PREX2: variants seen among roughly 807,000 people sequenced by gnomAD.
PREX2 encodes phosphatidylinositol 3,4,5-trisphosphate-dependent Rac exchanger 2 protein.
Under a neutral mutation model 203.2 loss-of-function variants are expected in PREX2, and 107 were observed. The observed-to-expected ratio is 0.53, with a 90% CI of 0.45 to 0.62. The LOEUF (loss-of-function observed/expected upper bound fraction) is 0.62, where lower values mean the gene tolerates loss of function less well. Among genes scored for constraint, PREX2 ranks in the 20% least tolerant of loss-of-function variants. The pLI is 0.00. For missense variants in PREX2, 1,777 were observed against 1,955.9 expected (o/e 0.91, Z 1.72); for synonymous variants, 672 against 663.6 (o/e 1.01, Z -0.19).
intron 1 of PREX2, among the ~76,000 whole-genome samples, chr8:67,975,690 C>CTTTT (rs1806057690): frequency 5.3e-5 from 2 of 37,684 alleles, no homozygotes; most frequent in African/African-American, 2.6e-4. Flanking sequence ...ACTGATTTCT[C>CTTTT]TTTCTTTTTT....
chr8:68,036,813 C>T (rs567085462), intron 6 of PREX2, among the ~76,000 whole-genome samples: 1 of 152,058 alleles, frequency 6.6e-6, no homozygotes, highest in South Asian at 2.1e-4. Flanking sequence ...GGCGTGGTGG[C>T]ATGCCTGTAA....
At chr8:68,014,003 G>A (rs1001958947) in intron 1 of PREX2, among the ~76,000 whole-genome samples, 3 of 152,182 alleles carry the variant, frequency 2.0e-5, no homozygotes, top group South Asian at 2.1e-4. Flanking sequence ...CTGATGAAAA[G>A]AGTGGGAAGG....
chr8:68,156,999 G>T (rs879298200), intron 34 of PREX2, among the ~76,000 whole-genome samples: 3 of 152,090 alleles, frequency 2.0e-5, no homozygotes, highest in African/African-American at 7.2e-5. Context: ...ATATTTTGGG[G>T]TGATATATTC....
chr8:68,118,530 A>G lies in PREX2; in HGVS notation c.3327-20A>G, dbSNP rs1314401505. 3 of 1,575,930 alleles carry G rather than the reference A, an allele frequency of 1.9e-6. No homozygotes were observed. The highest frequency in any genetic ancestry group is 1.7e-6 in the Non-Finnish European group (2 of 1,145,352). ...TGGGCAGATGCACTCTTACAGTAAC[A>G]TGAAACCTGTTGTTTTCAGTGACTG... On this transcript the variant is annotated intron_variant, in intron 26 of 39. Coordinates refer to ENST00000288368, the MANE Select transcript of PREX2 (RefSeq NM_024870.4).
chr8:68,063,735 A>T (rs1808931387), intron 11 of PREX2, among the ~76,000 whole-genome samples: 1 of 151,964 alleles, frequency 6.6e-6, no homozygotes, highest in Admixed American at 6.5e-5. Flanking sequence ...TTCTTGATGG[A>T]CAGCGTAAAA....
chr8:68,084,232 C>T (rs756074374), intron 18 of PREX2, among the ~76,000 whole-genome samples: 24 of 151,994 alleles, frequency 1.6e-4, no homozygotes, highest in Non-Finnish European at 2.9e-4. Flanking sequence ...AACTATTTAG[C>T]ATAATATATC....
intron 8 of PREX2, among the ~76,000 whole-genome samples, chr8:68,050,893 G>C (rs180786770): frequency 6.6e-6 from 1 of 152,274 alleles, no homozygotes; most frequent in East Asian, 1.9e-4. Context: ...GAGAGCAGCA[G>C]ACAAGAAAAG....
chr8:67,959,883 C>G lies in PREX2; in HGVS notation c.141+7348C>G, dbSNP rs191998307. Among the ~76,000 whole-genome samples the G allele has an allele frequency of 4.1e-4, 62 of 152,236 alleles. No homozygotes were observed. In the East Asian group the frequency reaches 0.012, roughly 28 times the overall value. ...CCTCGCACTGAAACTTACAAACTCT[C>G]TCTTTGGGCAAACAACACAGCCTCT... On this transcript the variant is annotated intron_variant, in intron 1 of 39. Coordinates refer to ENST00000288368, the MANE Select transcript of PREX2 (RefSeq NM_024870.4).
At chr8:68,139,322 C>G (rs558818539) in intron 33 of PREX2, among the ~76,000 whole-genome samples, 1 of 151,962 alleles carries the variant, frequency 6.6e-6, no homozygotes. Context: ...ATGGCGATAT[C>G]GGAGGAGCAG....
chr8:67,977,056 C>T (rs531683989), intron 1 of PREX2, among the ~76,000 whole-genome samples: 2 of 152,250 alleles, frequency 1.3e-5, no homozygotes, highest in South Asian at 4.2e-4. Context: ...ATGTTTGTCT[C>T]CCCCCTAAAT....
At chr8:68,033,707 T>A (rs1255718851) in intron 6 of PREX2, among the ~76,000 whole-genome samples, 2 of 152,144 alleles carry the variant, frequency 1.3e-5, no homozygotes, top group African/African-American at 4.8e-5. Flanking sequence ...AAATCCAAGA[T>A]TCAACTAATC....
intron 31 of PREX2, among the ~76,000 whole-genome samples, chr8:68,133,489 T>A (rs1422110501): frequency 6.6e-6 from 1 of 152,214 alleles, no homozygotes; most frequent in Non-Finnish European, 1.5e-5. Flanking sequence ...TATTAGAACA[T>A]ACTTATAGCT....
intron 37 of PREX2, among the ~76,000 whole-genome samples, chr8:68,216,936 T>C (rs1812851783): frequency 7.2e-6 from 1 of 138,062 alleles, no homozygotes; most frequent in Non-Finnish European, 1.5e-5. Context: ...CACTCCAGCC[T>C]GGCAACAGAG....
At chr8:68,201,976 A>G (rs1207305394) in intron 37 of PREX2, among the ~76,000 whole-genome samples, 1 of 138,336 alleles carries the variant, frequency 7.2e-6, no homozygotes, top group African/African-American at 2.8e-5. Flanking sequence ...GCACGATCTC[A>G]GCTCACTGCA....
At chr8:68,079,920 A>C (rs6995740) in intron 15 of PREX2, among the ~76,000 whole-genome samples, 81,071 of 151,898 alleles carry the variant, frequency 0.53, 21,644 homozygotes, top group South Asian at 0.56. Context: ...AATCACATTT[A>C]ACCCAGAAGG....
chr8:67,991,807 A>G (rs1187952216), intron 1 of PREX2, among the ~76,000 whole-genome samples: 1 of 152,126 alleles, frequency 6.6e-6, no homozygotes, highest in African/African-American at 2.4e-5. Context: ...GACCACTGAC[A>G]CTCAACTTTA....
At chr8:68,224,508 A>G in intron 38 of PREX2, 51 bp from the exon 39 acceptor site, 1 of 1,386,046 alleles carries the variant, frequency 7.2e-7, no homozygotes, top group Non-Finnish European at 1.0e-6. Flanking sequence ...ATGGTATGTT[A>G]AATTATTACT....
intron 6 of PREX2, among the ~76,000 whole-genome samples, chr8:68,031,128 G>T (rs931318694): frequency 5.3e-5 from 8 of 152,084 alleles, no homozygotes; most frequent in Non-Finnish European, 1.0e-4. Flanking sequence ...TATTTTTAAG[G>T]TTTATTCAAG....
chr8:68,087,638 T>C, intron 18 of PREX2, 86 bp from the exon 19 acceptor site: 3 of 947,022 alleles, frequency 3.2e-6, no homozygotes, highest in East Asian at 4.8e-5. Context: ...ATGTATTTAT[T>C]GAGAGGTGTA....
Sources: allele counts gnomAD v4.1 joint callset (sites outside exome capture counted in the v4.1 genomes callset), GRCh38; gene constraint gnomAD v4.1.1; transcripts MANE v1.5; gene names NCBI Gene and HGNC (gene_info 2026-07-23, HGNC 2026-07-21).